The following INPP4B variants were observed in gnomAD, a reference collection of about 807,000 sequenced individuals.
INPP4B encodes the protein inositol polyphosphate-4-phosphatase type II B.
INPP4B carries 55 observed loss-of-function variants against 122.5 expected under a neutral mutation model. The ratio of observed to expected loss-of-function variants is 0.45; its 90% CI spans 0.36 to 0.56. INPP4B has a LOEUF of 0.56. Among genes scored for constraint, INPP4B ranks in the 20% least tolerant of loss-of-function variants. The probability of loss-of-function intolerance (pLI) is 0.00; values close to 1 mark genes in which losing one functional copy is unlikely to be tolerated. For synonymous variants in INPP4B, 403 were observed against 388.7 expected, an observed-to-expected ratio of 1.04 and a Z score of -0.43; for missense variants, 1,000 against 1,097.7, an observed-to-expected ratio of 0.91 and a Z score of 1.26.
intron 2 of INPP4B, among the ~76,000 whole-genome samples, chr4:142,554,926 T>C (rs1728817858): frequency 6.6e-6 from 1 of 152,188 alleles, no homozygotes; most frequent in South Asian, 2.1e-4. Context: ...TGGGAAAAGC[T>C]GTGCCCCAAA....
At position 142,153,769 on chromosome 4, in the gene INPP4B, A is replaced by T. The variant is rs561700547; in HGVS notation, c.1563+6589T>A. Among the ~76,000 whole-genome samples, 13 of 152,294 alleles carry T rather than the reference A, an allele frequency of 8.5e-5. No homozygotes were observed. The East Asian group carries it at 1.5e-3, about 18-fold the overall frequency. On this transcript the variant is annotated intron_variant, in intron 17 of 25. Transcript: ENST00000262992. ...AAGACATTGAGCTAGGATGTATAAG[A>T]TGTGTTAGGTGTTATAAAACAGGGT...
intron 5 of INPP4B, 42 bp from the exon 6 acceptor site, chr4:142,405,366 C>G: frequency 8.3e-7 from 1 of 1,208,038 alleles, no homozygotes; most frequent in East Asian, 2.3e-5. Flanking sequence ...AAACTAACAC[C>G]ATATCTCAGG....
At chr4:142,553,761 T>C (rs1728502294) in intron 2 of INPP4B, among the ~76,000 whole-genome samples, 5 of 152,188 alleles carry the variant, frequency 3.3e-5, no homozygotes, top group Admixed American at 3.3e-4. Context: ...AACCCCCAAA[T>C]AAAACATTTG....
intron 2 of INPP4B, among the ~76,000 whole-genome samples, chr4:142,690,564 C>G (rs1243248620): frequency 1.3e-5 from 2 of 152,116 alleles, no homozygotes; most frequent in Non-Finnish European, 2.9e-5. Context: ...TTACTGTGCT[C>G]TTGATTTAGT....
intron 2 of INPP4B, among the ~76,000 whole-genome samples, chr4:142,624,763 C>T (rs907059318): frequency 1.3e-5 from 2 of 152,138 alleles, no homozygotes; most frequent in African/African-American, 2.4e-5. Flanking sequence ...TCCAGCAGCA[C>T]ATCAAAAAGC....
At chr4:142,798,652 T>C (rs530282216) in intron 1 of INPP4B, among the ~76,000 whole-genome samples, 2 of 151,972 alleles carry the variant, frequency 1.3e-5, no homozygotes, top group East Asian at 3.9e-4. Flanking sequence ...TTCTGAAATA[T>C]GTTACTATTC....
chr4:142,784,229 G>A (rs917529002), intron 1 of INPP4B, among the ~76,000 whole-genome samples: 7 of 151,942 alleles, frequency 4.6e-5, no homozygotes, highest in Non-Finnish European at 8.8e-5. Context: ...CGGGCGTGGT[G>A]GCATGTGCCT....
chr4:142,200,552 CTTTA>C (rs1227239402), intron 14 of INPP4B, among the ~76,000 whole-genome samples: 1 of 151,672 alleles, frequency 6.6e-6, no homozygotes, highest in Admixed American at 6.6e-5. Flanking sequence ...TGCCTCTATT[CTTTA>C]TTTTTCATTC....
rs1580474288 is a variant in INPP4B at position 142,602,775 on chromosome 4, G to T, written c.-191+123064C>A. Among the ~76,000 whole-genome samples, 3 of 152,312 alleles carry T rather than the reference G, an allele frequency of 2.0e-5. No individual in the cohort carries two copies. The East Asian group carries it at 5.8e-4, about 29-fold the overall frequency. On this transcript the variant is annotated intron_variant, in intron 2 of 25. Coordinates refer to ENST00000262992, the MANE Select transcript of INPP4B (RefSeq NM_001101669.3). ...TGCACGTTGGTGGGAGTGTAAATTA[G>T]TTCAACCATTGTGGAAGAGAGTGTG...
intron 7 of INPP4B, among the ~76,000 whole-genome samples, chr4:142,320,610 TAC>T: frequency 6.6e-6 from 1 of 152,330 alleles, no homozygotes. Context: ...CTGAGCAGTG[TAC>T]AGTGTGTCCA....
chr4:142,839,218 G>A (rs1437444929), intron 1 of INPP4B, among the ~76,000 whole-genome samples: 1 of 152,182 alleles, frequency 6.6e-6, no homozygotes, highest in East Asian at 1.9e-4. Context: ...ATCACTTTTG[G>A]AGGCTAAGGC....
chr4:142,249,225 A>C (rs1245937481), intron 11 of INPP4B, among the ~76,000 whole-genome samples: 3 of 152,068 alleles, frequency 2.0e-5, no homozygotes, highest in South Asian at 4.2e-4. Flanking sequence ...TATCACATCT[A>C]ATGCTTGCTG....
intron 23 of INPP4B, among the ~76,000 whole-genome samples, chr4:142,104,904 ATTTATT>A (rs1382818673): frequency 1.3e-5 from 2 of 152,066 alleles, no homozygotes; most frequent in East Asian, 3.9e-4. Flanking sequence ...GTCATTGCAT[ATTTATT>A]TTTATTTTTT....
At chr4:142,082,610 C>T (rs780110534) in intron 24 of INPP4B, among the ~76,000 whole-genome samples, 5 of 152,130 alleles carry the variant, frequency 3.3e-5, no homozygotes, top group Non-Finnish European at 7.4e-5. Context: ...TGATTCAAAT[C>T]GTATATAGCT....
intron 14 of INPP4B, among the ~76,000 whole-genome samples, 185 bp from the exon 15 acceptor site, chr4:142,193,380 C>T (rs182616137): frequency 6.6e-6 from 1 of 152,230 alleles, no homozygotes; most frequent in Admixed American, 6.5e-5. Context: ...CTAAAAGCCA[C>T]CTGTGCACCT....
At chr4:142,842,586 T>A (rs111379736) in intron 1 of INPP4B, among the ~76,000 whole-genome samples, 39,848 of 137,586 alleles carry the variant, frequency 0.29, 5,998 homozygotes, top group South Asian at 0.35. Context: ...TATAAGATAG[T>A]TATTGTATTA....
At chr4:142,105,299 C>T (rs1384754990) in intron 23 of INPP4B, among the ~76,000 whole-genome samples, 2 of 152,130 alleles carry the variant, frequency 1.3e-5, no homozygotes, top group African/African-American at 4.8e-5. Flanking sequence ...ATTGAAAGGG[C>T]ATGTTGATTG....
intron 5 of INPP4B, among the ~76,000 whole-genome samples, chr4:142,419,431 A>C (rs1806410075): frequency 6.6e-6 from 1 of 152,128 alleles, no homozygotes; most frequent in South Asian, 2.1e-4. Context: ...GAATACCCGT[A>C]TGCTCAAACG....
chr4:142,341,640 G>T (rs1370504908), intron 7 of INPP4B, among the ~76,000 whole-genome samples: 1 of 152,104 alleles, frequency 6.6e-6, no homozygotes, highest in East Asian at 1.9e-4. Flanking sequence ...TTACTCTCAT[G>T]ATGTTTATAT....
Sources: gnomAD v4.1 joint callset for allele counts (sites outside exome capture counted in the v4.1 genomes callset) on GRCh38, gnomAD v4.1.1 for gene constraint, MANE v1.5 for transcripts, NCBI Gene and HGNC (gene_info 2026-07-23, HGNC 2026-07-21) for gene names.